The following FGF12 variants were observed in gnomAD, a reference collection of about 807,000 sequenced individuals.
FGF12 encodes fibroblast growth factor 12, also known as fibroblast growth factor 12B.
A neutral mutation model predicts 23.6 loss-of-function variants in FGF12; 14 were observed. The ratio of observed to expected loss-of-function variants is 0.59; its 90% CI spans 0.39 to 0.93. The LOEUF is 0.93. Ranked by LOEUF, FGF12 falls within the 40% of genes least tolerant of loss-of-function variation. The pLI, the probability that FGF12 is intolerant of heterozygous loss-of-function variation, is 0.00. For missense variants in FGF12, 175 were observed against 217.8 expected, an observed-to-expected ratio of 0.80 and a Z score of 1.24; for synonymous variants, 62 against 77.3, an observed-to-expected ratio of 0.80 and a Z score of 1.04.
chr3:192,426,898 T>C (rs1461366418), intron 2 of FGF12, among the ~76,000 whole-genome samples: 1 of 152,208 alleles, frequency 6.6e-6, no homozygotes, highest in African/African-American at 2.4e-5. Flanking sequence ...AATTACTAAT[T>C]TACTGTCTCT....
rs1036443396 is a variant in FGF12, at chr3:192,642,410, A to T, written c.13+84771T>A. On this transcript the variant is annotated intron_variant, in intron 2 of 5. Transcript: ENST00000445105. ...CACTCCACTTGAAAGATACAAGATA[A>T]TCACAGCTGAGATTAGAGAAGCCAA... Among the ~76,000 whole-genome samples the T allele has an allele frequency of 5.9e-5, 9 of 152,178 alleles. No homozygotes were observed. In the South Asian group the frequency reaches 1.0e-3, roughly 17 times the overall value.
At chr3:192,673,358 T>C (rs954011077) in intron 2 of FGF12, 5 of 151,078 alleles carry the variant, frequency 3.3e-5, no homozygotes, top group Non-Finnish European at 5.9e-5. Flanking sequence ...AAAAACTACA[T>C]CCAGAAACCT....
chr3:192,511,414 C>G (rs750154295), intron 2 of FGF12, among the ~76,000 whole-genome samples: 5 of 152,154 alleles, frequency 3.3e-5, no homozygotes, highest in African/African-American at 1.2e-4. Flanking sequence ...TGATGAGGAA[C>G]CTGCAATTTT....
intron 2 of FGF12, chr3:192,726,840 T>G: frequency 3.0e-6 from 1 of 333,034 alleles, no homozygotes. Context: ...TGAAATAGAT[T>G]TATTTGAGTC....
At chr3:192,526,355 A>T (rs1207979338) in intron 2 of FGF12, among the ~76,000 whole-genome samples, 1 of 152,196 alleles carries the variant, frequency 6.6e-6, no homozygotes, top group African/African-American at 2.4e-5. Context: ...GCAAACTAAT[A>T]TATTATTACA....
chr3:192,711,646 C>T (rs1718685391), intron 2 of FGF12, among the ~76,000 whole-genome samples: 1 of 151,960 alleles, frequency 6.6e-6, no homozygotes, highest in Admixed American at 6.6e-5. Context: ...ATGACCTTAC[C>T]CCCCAACCCG....
chr3:192,242,484 G>A (rs1399507420), intron 4 of FGF12, among the ~76,000 whole-genome samples: 2 of 151,982 alleles, frequency 1.3e-5, no homozygotes, highest in Admixed American at 1.3e-4. Context: ...AAGTAGCCCA[G>A]TCAAAAAGGA....
At chr3:192,282,398 A>T (rs1714199498) in intron 4 of FGF12, among the ~76,000 whole-genome samples, 1 of 152,158 alleles carries the variant, frequency 6.6e-6, no homozygotes, top group South Asian at 2.1e-4. Context: ...TCTAGTCAAA[A>T]AATAATTTAT....
At chr3:192,275,910 C>T (rs996975596) in intron 4 of FGF12, among the ~76,000 whole-genome samples, 4 of 152,150 alleles carry the variant, frequency 2.6e-5, no homozygotes, top group African/African-American at 9.7e-5. Flanking sequence ...ACTGTCACCT[C>T]ACTGAGATGG....
intron 4 of FGF12, among the ~76,000 whole-genome samples, chr3:192,198,438 A>G (rs1717194799): frequency 6.6e-6 from 1 of 152,208 alleles, no homozygotes; most frequent in South Asian, 2.1e-4. Flanking sequence ...AAAAAAAGCT[A>G]AAATCAGTAA....
At chr3:192,660,253 C>T (rs1320388030) in intron 2 of FGF12, among the ~76,000 whole-genome samples, 5 of 150,820 alleles carry the variant, frequency 3.3e-5, no homozygotes, top group South Asian at 2.1e-4. Flanking sequence ...AGCAAACTAT[C>T]GCAAGGACAA....
At chr3:192,280,174 C>T (rs1048708514) in intron 4 of FGF12, among the ~76,000 whole-genome samples, 1 of 152,092 alleles carries the variant, frequency 6.6e-6, no homozygotes, top group African/African-American at 2.4e-5. Flanking sequence ...TAGAACTGCA[C>T]AGCTGTTTTG....
chr3:192,336,542 G>T lies in FGF12; in HGVS notation c.125-1078C>A, dbSNP rs1717425531. ...AGCAATCATATAGTTAGGCTCTATA[G>T]ATGGCAACATGGAGATGAATTAAGT... On this transcript the variant is annotated intron_variant, in intron 3 of 5. Transcript: ENST00000445105. The surrounding 1 kb of genome is among the most constrained non-coding windows in gnomAD (Gnocchi z 4.3). Among the ~76,000 whole-genome samples, 1 of 151,670 alleles carries T rather than the reference G, an allele frequency of 6.6e-6. No individual in the cohort carries two copies. The highest frequency in any genetic ancestry group is 6.6e-5 in the Admixed American group (1 of 15,232).
intron 4 of FGF12, among the ~76,000 whole-genome samples, chr3:192,201,509 G>T (rs1420903551): frequency 9.9e-5 from 15 of 152,120 alleles, no homozygotes; most frequent in African/African-American, 3.4e-4. Context: ...ACATCTCCAT[G>T]CAGTAAGCCC....
chr3:192,540,416 T>C (rs1725337637), intron 2 of FGF12, among the ~76,000 whole-genome samples: 1 of 152,122 alleles, frequency 6.6e-6, no homozygotes, highest in African/African-American at 2.4e-5. Context: ...TTAAGGAACA[T>C]ACTGTCTAAT....
intron 2 of FGF12, among the ~76,000 whole-genome samples, chr3:192,694,444 C>A (rs1718043788): frequency 6.6e-6 from 1 of 152,060 alleles, no homozygotes; most frequent in African/African-American, 2.4e-5. Context: ...CCTGCATTCC[C>A]ATGTTCACTT....
intron 2 of FGF12, among the ~76,000 whole-genome samples, chr3:192,498,067 C>G (rs559703792): frequency 2.6e-4 from 39 of 152,332 alleles, no homozygotes; most frequent in Non-Finnish European, 4.7e-4. Context: ...TGCACATTTT[C>G]CCTTTTACTT....
At chr3:192,597,252 C>T (rs1713895520) in intron 2 of FGF12, among the ~76,000 whole-genome samples, 2 of 152,144 alleles carry the variant, frequency 1.3e-5, no homozygotes, top group South Asian at 4.1e-4. Flanking sequence ...AGTGTTATTA[C>T]TCATTCCCAC....
intron 5 of FGF12, among the ~76,000 whole-genome samples, chr3:192,158,367 TTTC>T (rs201540501): frequency 3.3e-5 from 4 of 122,426 alleles, no homozygotes; most frequent in Non-Finnish European, 6.9e-5. Context: ...TCTTTCTTTC[TTTC>T]TTTCTTTCTT....
Sources: allele counts gnomAD v4.1 joint callset (sites outside exome capture counted in the v4.1 genomes callset), GRCh38; gene constraint gnomAD v4.1.1; non-coding constraint Gnocchi (gnomAD v3.1); transcripts MANE v1.5; gene names NCBI Gene and HGNC (gene_info 2026-07-23, HGNC 2026-07-21).